Variants in CADM1 observed in about 807,000 individuals in gnomAD.
CADM1 encodes the protein TSLC-1.
A neutral mutation model predicts 53.1 loss-of-function variants in CADM1; 15 were observed. That is an observed-to-expected ratio of 0.28 (90% CI 0.19 to 0.44). The LOEUF (loss-of-function observed/expected upper bound fraction) is 0.44. Ranked by LOEUF, CADM1 falls within the 20% of genes least tolerant of loss-of-function variation. CADM1 has a pLI of 1.00. For missense variants in CADM1, 434 were observed against 611.3 expected, an observed-to-expected ratio of 0.71 and a Z score of 3.06; for synonymous variants, 281 against 243.0, an observed-to-expected ratio of 1.16 and a Z score of -1.45.
chr11:115,243,646 C>A (rs17118122), intron 1 of CADM1, among the ~76,000 whole-genome samples: 4,167 of 152,188 alleles, frequency 0.027, 177 homozygotes, highest in African/African-American at 0.093. Flanking sequence ...CTGCTCACAT[C>A]CTCAAATATT....
chr11:115,405,971 T>C (rs1947302906), intron 1 of CADM1, among the ~76,000 whole-genome samples: 1 of 152,166 alleles, frequency 6.6e-6, no homozygotes, highest in South Asian at 2.1e-4. Context: ...CTAGGCGTGG[T>C]TCTATAAGCT....
chr11:115,331,193 A>G (rs1945120232), intron 1 of CADM1, among the ~76,000 whole-genome samples: 2 of 152,188 alleles, frequency 1.3e-5, no homozygotes, highest in Admixed American at 1.3e-4. Flanking sequence ...TTTAAAGGAA[A>G]TAAGGAAGAC....
At chr11:115,390,053 G>A (rs1480441941) in intron 1 of CADM1, among the ~76,000 whole-genome samples, 3 of 152,136 alleles carry the variant, frequency 2.0e-5, no homozygotes. Flanking sequence ...ACACATTCAT[G>A]AGCCATTAAT....
intron 1 of CADM1, among the ~76,000 whole-genome samples, chr11:115,259,252 C>T (rs1942890434): frequency 7.1e-6 from 1 of 140,036 alleles, no homozygotes; most frequent in African/African-American, 2.7e-5. Context: ...TCCCAAAGTG[C>T]TGGAATTACA....
chr11:115,223,052 G>T (rs1941464192), intron 5 of CADM1, among the ~76,000 whole-genome samples: 1 of 152,152 alleles, frequency 6.6e-6, no homozygotes, highest in Non-Finnish European at 1.5e-5. Flanking sequence ...AGACATAGTT[G>T]CTGGATGAAT....
chr11:115,393,824 C>A (rs1425811604), intron 1 of CADM1, among the ~76,000 whole-genome samples: 1 of 152,020 alleles, frequency 6.6e-6, no homozygotes, highest in South Asian at 2.1e-4. Flanking sequence ...ACTGTCCTTA[C>A]CATGAATATA....
At chr11:115,438,706 T>C (rs1309206798) in intron 1 of CADM1, among the ~76,000 whole-genome samples, 1 of 150,204 alleles carries the variant, frequency 6.7e-6, no homozygotes, top group Non-Finnish European at 1.5e-5. Flanking sequence ...AACTTTTACA[T>C]AATATGGTTT....
intron 1 of CADM1, among the ~76,000 whole-genome samples, chr11:115,336,777 C>T (rs1264269836): frequency 1.3e-5 from 2 of 151,860 alleles, no homozygotes; most frequent in Non-Finnish European, 2.9e-5. Context: ...AGTGTTTTTC[C>T]AACTTTTTCT....
intron 1 of CADM1, among the ~76,000 whole-genome samples, chr11:115,435,458 C>T (rs996079067): frequency 6.6e-6 from 1 of 152,082 alleles, no homozygotes; most frequent in Non-Finnish European, 1.5e-5. Context: ...TGGGGCTGGG[C>T]GTGGTGGCTC....
At chr11:115,187,345 G>A (rs1939610777) in intron 10 of CADM1, among the ~76,000 whole-genome samples, 1 of 152,136 alleles carries the variant, frequency 6.6e-6, no homozygotes, top group African/African-American at 2.4e-5. Context: ...CCCAGTAACC[G>A]GAAGGCCATA....
chr11:115,334,352 A>G (rs1945207944), intron 1 of CADM1, among the ~76,000 whole-genome samples: 1 of 152,092 alleles, frequency 6.6e-6, no homozygotes. Flanking sequence ...ACTAAACCTT[A>G]AGTCAATCAC....
intron 1 of CADM1, among the ~76,000 whole-genome samples, chr11:115,403,582 AT>A (rs567174833): frequency 7.2e-4 from 109 of 151,916 alleles, no homozygotes; most frequent in Admixed American, 2.5e-3. Flanking sequence ...AAAATAGTTA[AT>A]TTTTTTGTTT....
At chr11:115,417,691 G>A (rs1038875023) in intron 1 of CADM1, among the ~76,000 whole-genome samples, 2 of 152,176 alleles carry the variant, frequency 1.3e-5, no homozygotes, top group African/African-American at 4.8e-5. Flanking sequence ...GGGACAGAGT[G>A]GGATGGCTTG....
At chr11:115,261,213 AC>A (rs1942965255) in intron 1 of CADM1, among the ~76,000 whole-genome samples, 1 of 152,228 alleles carries the variant, frequency 6.6e-6, no homozygotes, top group African/African-American at 2.4e-5. Flanking sequence ...GAAATGGTAT[AC>A]AAAAATAATG....
At chr11:115,473,313 G>T (rs769768003) in intron 1 of CADM1, among the ~76,000 whole-genome samples, 1 of 152,178 alleles carries the variant, frequency 6.6e-6, no homozygotes, top group Non-Finnish European at 1.5e-5. Context: ...TAAAAAATTC[G>T]CCAGGCGTGG....
intron 1 of CADM1, among the ~76,000 whole-genome samples, chr11:115,480,219 G>A (rs937777942): frequency 6.6e-6 from 1 of 151,892 alleles, no homozygotes; most frequent in African/African-American, 2.4e-5. Context: ...ACTCCACAAA[G>A]AAGAAAAACA....
At chr11:115,206,942 G>A (rs1475814585) in intron 8 of CADM1, among the ~76,000 whole-genome samples, 1 of 151,500 alleles carries the variant, frequency 6.6e-6, no homozygotes, top group Non-Finnish European at 1.5e-5. Flanking sequence ...AGATTTTTTA[G>A]GAACTAATCT....
intron 5 of CADM1, among the ~76,000 whole-genome samples, chr11:115,221,979 G>C (rs1941424574): frequency 6.6e-6 from 1 of 152,112 alleles, no homozygotes; most frequent in African/African-American, 2.4e-5. Context: ...TAGGTCCAGG[G>C]GCTTGAGTGC....
At chr11:115,316,221 C>T (rs894911898) in intron 1 of CADM1, among the ~76,000 whole-genome samples, 1 of 152,182 alleles carries the variant, frequency 6.6e-6, no homozygotes, top group Non-Finnish European at 1.5e-5. Context: ...TTAGGGTCAG[C>T]AATTACCTTG....
Sources: gnomAD v4.1 joint callset for allele counts (sites outside exome capture counted in the v4.1 genomes callset) on GRCh38, gnomAD v4.1.1 for gene constraint, MANE v1.5 for transcripts, NCBI Gene and HGNC (gene_info 2026-07-23, HGNC 2026-07-21) for gene names.